The following HTR2C variants were observed in gnomAD, a reference collection of about 807,000 sequenced individuals.
HTR2C encodes the protein 5-hydroxytryptamine (serotonin) receptor 2C, G protein-coupled.
In HTR2C, 5 loss-of-function variants were observed where a neutral mutation model predicts 21.0. That is an observed-to-expected ratio of 0.24 (90% CI 0.12 to 0.50). The LOEUF (loss-of-function observed/expected upper bound fraction) is 0.50, where lower values mean the gene tolerates loss of function less well. Ranked by LOEUF, HTR2C falls within the 20% of genes least tolerant of loss-of-function variation. HTR2C has a pLI of 0.98. For missense variants in HTR2C, 271 were observed against 371.2 expected (o/e 0.73, Z 2.22); for synonymous variants, 150 against 145.3 (o/e 1.03, Z -0.23).
At chrX:114,811,609 G>A (rs1013287035) in intron 4 of HTR2C, among the ~76,000 whole-genome samples, 5 of 112,277 alleles carry the variant, frequency 4.5e-5, no homozygotes, top group South Asian at 3.6e-4. Context: ...GCATGCACTC[G>A]TTACAAAGAT....
At chrX:114,873,533 C>A (rs1003007207) in intron 5 of HTR2C, among the ~76,000 whole-genome samples, 12 of 111,737 alleles carry the variant, frequency 1.1e-4, no homozygotes, top group African/African-American at 3.6e-4. Flanking sequence ...CAGTACAACA[C>A]CTGAATACTG....
In HTR2C at chrX:114,859,841, T is replaced by C. The variant is rs1014065485; in HGVS notation, c.550+11638T>C. Among the ~76,000 whole-genome samples the C allele has an allele frequency of 2.7e-5, 3 of 111,962 alleles. No homozygotes were observed. The East Asian group carries it at 8.4e-4, about 31-fold the overall frequency. On this transcript the variant is annotated intron_variant, in intron 5 of 5. Transcript: ENST00000276198. ...AATCCATAAATTTTTCTCTAAATTC[T>C]ACTTTAGCTGTATCTCATAACTGTT...
intron 4 of HTR2C, among the ~76,000 whole-genome samples, chrX:114,781,194 T>C (rs2070113577): frequency 9.0e-6 from 1 of 111,084 alleles, no homozygotes; most frequent in East Asian, 2.8e-4. Context: ...GGTTAAGAAA[T>C]ATGTAACATA....
At chrX:114,699,719 A>T (rs1932398855) in intron 2 of HTR2C, among the ~76,000 whole-genome samples, 1 of 112,145 alleles carries the variant, frequency 8.9e-6, no homozygotes, top group Non-Finnish European at 1.9e-5. Context: ...AAGCAACCAC[A>T]CATAGTTATA....
At chrX:114,604,717 G>A (rs1377975286) in intron 1 of HTR2C, among the ~76,000 whole-genome samples, 6 of 110,668 alleles carry the variant, frequency 5.4e-5, no homozygotes, top group African/African-American at 1.6e-4. Context: ...AGGAATCCTG[G>A]GCTGCGGGCA....
chrX:114,761,041 T>C (rs1204598826), intron 4 of HTR2C, among the ~76,000 whole-genome samples: 1 of 111,750 alleles, frequency 8.9e-6, no homozygotes, highest in Non-Finnish European at 1.9e-5. Flanking sequence ...GTAGCATTTT[T>C]TTTCTTAATT....
intron 2 of HTR2C, among the ~76,000 whole-genome samples, chrX:114,643,696 C>T (rs1399424393): frequency 9.0e-6 from 1 of 111,558 alleles, no homozygotes; most frequent in Non-Finnish European, 1.9e-5. Context: ...CATGGGCTGA[C>T]AGTTATTAAT....
chrX:114,725,860 C>G (rs1177862826), intron 2 of HTR2C, among the ~76,000 whole-genome samples: 1 of 109,800 alleles, frequency 9.1e-6, no homozygotes, highest in African/African-American at 3.3e-5. Context: ...CTTGAGGAGG[C>G]AGTCTGCCCG....
At chrX:114,606,997 G>T (rs1179173419) in intron 1 of HTR2C, among the ~76,000 whole-genome samples, 1 of 107,554 alleles carries the variant, frequency 9.3e-6, no homozygotes, top group African/African-American at 3.5e-5. Flanking sequence ...AGTGGGGGTC[G>T]CAAGGTGCTC....
chrX:114,806,648 A>G (rs1055591653), intron 4 of HTR2C, among the ~76,000 whole-genome samples: 18 of 98,890 alleles, frequency 1.8e-4, no homozygotes, highest in Non-Finnish European at 2.8e-4. Context: ...CACTATATAT[A>G]CCATATATAT....
At chrX:114,742,461 GC>G (rs1351268049) in intron 4 of HTR2C, among the ~76,000 whole-genome samples, 2 of 111,237 alleles carry the variant, frequency 1.8e-5, no homozygotes, top group African/African-American at 6.5e-5. Flanking sequence ...CACCACAGAG[GC>G]AAGACTGAAC....
At chrX:114,840,162 A>G (rs1158679752) in intron 4 of HTR2C, among the ~76,000 whole-genome samples, 1 of 111,006 alleles carries the variant, frequency 9.0e-6, no homozygotes, top group African/African-American at 3.3e-5. Context: ...ACACACACAC[A>G]TATATACACA....
chrX:114,715,032 G>C (rs1241649453), intron 2 of HTR2C, among the ~76,000 whole-genome samples: 1 of 111,500 alleles, frequency 9.0e-6, no homozygotes, highest in African/African-American at 3.3e-5. Context: ...GATTCATCTG[G>C]TACTTCTAGC....
chrX:114,692,950 T>C, intron 2 of HTR2C, among the ~76,000 whole-genome samples: 1 of 110,700 alleles, frequency 9.0e-6, no homozygotes, highest in Non-Finnish European at 1.9e-5. Context: ...CAAGGAAGAG[T>C]ATGAAAAGAA....
chrX:114,793,972 C>CAG (rs376441598), intron 4 of HTR2C, among the ~76,000 whole-genome samples: 11 of 108,807 alleles, frequency 1.0e-4, no homozygotes, highest in African/African-American at 3.3e-4. Context: ...TAGCGAGTAT[C>CAG]AGAGAGAGAG....
At chrX:114,623,791 A>T (rs1394273820) in intron 2 of HTR2C, among the ~76,000 whole-genome samples, 1 of 110,757 alleles carries the variant, frequency 9.0e-6, no homozygotes, top group African/African-American at 3.3e-5. Context: ...CTAAGAACTT[A>T]AATAGATATT....
chrX:114,846,504 C>T (rs990062657), intron 4 of HTR2C, among the ~76,000 whole-genome samples: 6 of 111,712 alleles, frequency 5.4e-5, no homozygotes, highest in African/African-American at 1.3e-4. Flanking sequence ...AGGGATTCAA[C>T]ATACAGAAAC....
At chrX:114,590,370 G>A (rs1927580829) in intron 1 of HTR2C, among the ~76,000 whole-genome samples, 1 of 111,927 alleles carries the variant, frequency 8.9e-6, no homozygotes, top group African/African-American at 3.2e-5. Context: ...TAGAAAGATT[G>A]GAGAAGTCCA....
At chrX:114,590,706 T>A (rs193012843) in intron 1 of HTR2C, among the ~76,000 whole-genome samples, 163 of 112,196 alleles carry the variant, frequency 1.5e-3, no homozygotes, top group African/African-American at 5.0e-3. Context: ...TGAACATATT[T>A]TAGGGCAATA....
Sources: gnomAD v4.1 joint callset for allele counts (sites outside exome capture counted in the v4.1 genomes callset) on GRCh38, gnomAD v4.1.1 for gene constraint, MANE v1.5 for transcripts, NCBI Gene and HGNC (gene_info 2026-07-23, HGNC 2026-07-21) for gene names.